ZC3H7A: variants seen among roughly 807,000 people sequenced by gnomAD.
The protein encoded by ZC3H7A is zinc finger CCCH domain-containing protein 7A.
Under a neutral mutation model 125.5 loss-of-function variants are expected in ZC3H7A, and 44 were observed. The ratio of observed to expected loss-of-function variants is 0.35; its 90% CI spans 0.28 to 0.45. The LOEUF (loss-of-function observed/expected upper bound fraction) is 0.45. Ranked by LOEUF, ZC3H7A falls within the 20% of genes least tolerant of loss-of-function variation. The pLI is 1.00. For synonymous variants in ZC3H7A, 399 were observed against 391.2 expected, an observed-to-expected ratio of 1.02 and a Z score of -0.23; for missense variants, 977 against 1,170.7, an observed-to-expected ratio of 0.83 and a Z score of 2.41.
rs1433426562 is a variant in ZC3H7A at position 11,756,332 on chromosome 16, T to A, written c.2467A>T (p.Ser823Cys). Reference sequence around the variant, plus strand: ...TCTTCACTTTTTTCATTTTTTTGACTCTTGAGCCATAGTTCGTAAAATTGC... The same window carrying A: ...TCTTCACTTTTTTCATTTTTTTGACACTTGAGCCATAGTTCGTAAAATTGC... ...MEQFYELWLK[S>C]QKNEKSEDIA... Residue 823 changes from serine to cysteine, a missense_variant, in exon 21 of 23, where the codon AGT becomes TGT. Transcript: ENST00000355758. The A allele has an allele frequency of 6.2e-7, 1 of 1,613,782 alleles. No homozygotes were observed. Among genetic ancestry groups the A allele is most frequent in the Non-Finnish European group, 8.5e-7 (1 of 1,179,978 alleles).
Position 11,769,784 on chromosome 16 carries a change from C to CTTTTTTTTTTTTTTTTTTTTTTTTT in ZC3H7A, c.1109-690_1109-689insAAAAAAAAAAAAAAAAAAAAAAAAA, listed in dbSNP as rs200241879. On this transcript the variant is annotated intron_variant, in intron 10 of 22. Transcript: ENST00000355758. ...AATCAGTAAAGTTTTCAATTGCTTT[C>CTTTTTTTTTTTTTTTTTTTTTTTTT]TTTTTTTTTTTTTTTTTTTTTTTGA... 7.1e-4 allele frequency among the ~76,000 whole-genome samples: 44 copies of CTTTTTTTTTTTTTTTTTTTTTTTTT among 61,612 alleles called. 12 individuals carry two copies. The highest frequency in any genetic ancestry group is 1.8e-3 in the South Asian group (2 of 1,128). 40.4% of individuals were successfully genotyped at this position (61,612 alleles called of 152,430 possible).
At chr16:11,777,195 A>C (rs1418506863) in intron 4 of ZC3H7A, among the ~76,000 whole-genome samples, 1 of 152,216 alleles carries the variant, frequency 6.6e-6, no homozygotes, top group Non-Finnish European at 1.5e-5. Context: ...TCCAGACCTA[A>C]CTGATGTCCC....
At chr16:11,774,815 T>A (rs903257983) in intron 8 of ZC3H7A, among the ~76,000 whole-genome samples, 165 bp downstream of exon 8, 1 of 152,158 alleles carries the variant, frequency 6.6e-6, no homozygotes, top group Non-Finnish European at 1.5e-5. Context: ...CACTGGCACA[T>A]CCAAAGGCAC....
chr16:11,782,929 T>C (rs2053197753), intron 1 of ZC3H7A: 1 of 153,126 alleles, frequency 6.5e-6, no homozygotes, highest in African/African-American at 2.4e-5. Context: ...TCACATTCTT[T>C]AAGGCTGAAT....
At position 11,765,371 on chromosome 16, in the gene ZC3H7A, A is replaced by G. The variant is rs542622649; in HGVS notation, c.1719+118T>C. 7 of 668,532 alleles carry G rather than the reference A, an allele frequency of 1.0e-5. No individual in the cohort carries two copies. The East Asian group carries it at 2.2e-4, about 21-fold the overall frequency. 41.4% of individuals were successfully genotyped at this position (668,532 alleles called of 1,614,324 possible). ...ATTCATAAATATGATATTATTTATCATATAAATAAATGAATATTTATTCAT... is the reference window on the plus strand; with the variant it reads ...ATTCATAAATATGATATTATTTATCGTATAAATAAATGAATATTTATTCAT... On this transcript the variant is annotated intron_variant, in intron 14 of 22. Coordinates refer to ENST00000355758, the MANE Select transcript of ZC3H7A (RefSeq NM_014153.4). The surrounding 1 kb of genome is among the most constrained non-coding windows in gnomAD (Gnocchi z 4.8).
In ZC3H7A at chr16:11,771,607, TCTC is replaced by T. The variant is rs577354691; in HGVS notation, c.904-623_904-621del. Reference sequence around the variant, plus strand: ...CCTCCGCCTTCTGAGTTCAAATGATTCTCCTGCCTCAGCCTCCTGTGTAGCTGG... The same window carrying T: ...CCTCCGCCTTCTGAGTTCAAATGATTCTGCCTCAGCCTCCTGTGTAGCTGG... On this transcript the variant is annotated intron_variant, in intron 9 of 22. Transcript: ENST00000355758. Among the ~76,000 whole-genome samples the T allele has an allele frequency of 1.6e-3, 245 of 151,422 alleles. 1 individual carries two copies. Among genetic ancestry groups the T allele is most frequent in the South Asian group, 4.0e-3 (19 of 4,728 alleles).
chr16:11,788,355 C>T (rs1040107843), intron 1 of ZC3H7A, among the ~76,000 whole-genome samples: 2 of 151,906 alleles, frequency 1.3e-5, no homozygotes, highest in African/African-American at 2.4e-5. Flanking sequence ...ATGTCAAATG[C>T]CCTCATCTAG....
In ZC3H7A at chr16:11,776,327, G is replaced by T. The variant is rs749197880; in HGVS notation, c.578C>A (p.Ala193Asp). Reference protein sequence around the residue: ...LSLKSVPGDGATKALNHSVED... With the variant: ...LSLKSVPGDGDTKALNHSVED... Reference sequence around the variant, plus strand: ...CAGAAAAAATAACTTTACCTTGGTAGCCCCATCCCCAGGAACTGATTTTAA... The same window carrying T: ...CAGAAAAAATAACTTTACCTTGGTATCCCCATCCCCAGGAACTGATTTTAA... The change falls in exon 7 of 23, where the codon GCT becomes GAT. Residue 193 changes from alanine to aspartate, a missense_variant. Physicochemically the swap from Ala to Asp is moderately radical, Grantham distance 126 (BLOSUM62 -2). Coordinates refer to ENST00000355758, the MANE Select transcript of ZC3H7A (RefSeq NM_014153.4). 6.2e-7 allele frequency: 1 copy of T among 1,607,616 alleles called. No individual in the cohort carries two copies.
At chr16:11,752,564 G>A (rs2052570390) in intron 22 of ZC3H7A, 105 bp downstream of exon 22, 7 of 1,402,704 alleles carry the variant, frequency 5.0e-6, no homozygotes, top group Non-Finnish European at 6.7e-6. Flanking sequence ...TCAGAGCACA[G>A]CAACATTAGA....
At chr16:11,791,135 C>T (rs541760158) in intron 1 of ZC3H7A, among the ~76,000 whole-genome samples, 2 of 127,660 alleles carry the variant, frequency 1.6e-5, no homozygotes, top group Admixed American at 7.3e-5. Flanking sequence ...ACACACATCC[C>T]AATGCTTGCA....
At chr16:11,756,215 G>A (rs759734470) in intron 21 of ZC3H7A, 22 bp downstream of exon 21, 18 of 1,596,770 alleles carry the variant, frequency 1.1e-5, no homozygotes. Flanking sequence ...CAAAGAGAGG[G>A]TAAATGACGC....
At chr16:11,780,034 A>G (rs993996728) in intron 3 of ZC3H7A, among the ~76,000 whole-genome samples, 16 of 152,086 alleles carry the variant, frequency 1.1e-4, no homozygotes, top group African/African-American at 3.9e-4. Context: ...TTTCTTATCA[A>G]GTAAGTATAC....
chr16:11,782,131 G>C (rs115412461), intron 2 of ZC3H7A, among the ~76,000 whole-genome samples, 156 bp downstream of exon 2: 1,769 of 152,034 alleles, frequency 0.012, 38 homozygotes, highest in African/African-American at 0.037. Flanking sequence ...ATGTTCAAAT[G>C]GACAAAAGAA....
At chr16:11,788,485 T>C (rs1243106369) in intron 1 of ZC3H7A, among the ~76,000 whole-genome samples, 1 of 152,232 alleles carries the variant, frequency 6.6e-6, no homozygotes, top group Non-Finnish European at 1.5e-5. Flanking sequence ...TGAAAAGGAA[T>C]GTCTCCTTCC....
intron 13 of ZC3H7A, 59 bp downstream of exon 13, chr16:11,767,358 G>T: frequency 7.9e-7 from 1 of 1,265,582 alleles, no homozygotes; most frequent in Non-Finnish European, 1.1e-6. Flanking sequence ...ATTAAGCTAA[G>T]CATGACTGTA....
intron 9 of ZC3H7A, among the ~76,000 whole-genome samples, chr16:11,773,570 G>C (rs1480206440): frequency 6.6e-6 from 1 of 151,904 alleles, no homozygotes; most frequent in African/African-American, 2.4e-5. Context: ...GTGGTTGCTA[G>C]AGGATTATCT....
Position 11,765,135 on chromosome 16 carries a change from G to A in ZC3H7A, c.1738C>T (p.Pro580Ser). 6.4e-7 allele frequency: 1 copy of A among 1,560,626 alleles called. No individual in the cohort carries two copies. Among genetic ancestry groups the A allele is most frequent in the Non-Finnish European group, 8.7e-7 (1 of 1,154,946 alleles). The change falls in exon 15 of 23, where the codon CCT becomes TCT. Residue 580 changes from proline to serine, a missense_variant. Around this residue, in one of 3 missense-constraint regions of ZC3H7A, gnomAD observed 436 missense variants for 603.2 expected, o/e 0.72. Transcript: ENST00000355758. This position sits in a 1 kb window ranked among gnomAD's most constrained non-coding sequence, Gnocchi z 4.8. ...FLCEKCFDHKPRMISKRNKDN... is the reference protein window; with the variant it reads ...FLCEKCFDHKSRMISKRNKDN... ...TTATTTCTTTTACTTATCATTCTAG[G>A]CTTATGATCAAAACATTTCTGGAAT...
At position 11,751,247 on chromosome 16, in the gene ZC3H7A, T is replaced by C. The variant is rs2052548655; in HGVS notation, c.*70A>G. ...CAGGAAATCTGCAGCTCCTCTGCTATGTGCCTCAGAACACTTTCAATTTTT... is the reference window on the plus strand; with the variant it reads ...CAGGAAATCTGCAGCTCCTCTGCTACGTGCCTCAGAACACTTTCAATTTTT... On this transcript the variant is annotated 3_prime_UTR_variant, in exon 23 of 23. Transcript: ENST00000355758. 4.1e-6 allele frequency: 6 copies of C among 1,459,368 alleles called. No individual in the cohort carries two copies. The highest frequency in any genetic ancestry group is 1.4e-5 in the African/African-American group (1 of 70,694). 90.4% of individuals were successfully genotyped at this position (1,459,368 alleles called of 1,614,324 possible). A position where few individuals can be genotyped will look rare whatever the true frequency, so the allele number is the denominator to read the frequency against.
intron 1 of ZC3H7A, chr16:11,783,169 C>G (rs575658914): frequency 2.6e-5 from 4 of 152,200 alleles, no homozygotes; most frequent in Non-Finnish European, 5.9e-5. Context: ...CCTTGTAAGC[C>G]AAGTTTAAAC....
Sources: gnomAD v4.1 joint callset for allele counts (sites outside exome capture counted in the v4.1 genomes callset) on GRCh38, gnomAD v4.1.1 for gene constraint, gnomAD v4.1.1 regional missense constraint, Gnocchi (gnomAD v3.1) non-coding constraint, MANE v1.5 for transcripts, NCBI Gene and HGNC (gene_info 2026-07-23, HGNC 2026-07-21) for gene names.